UNC13C: variants seen among roughly 807,000 people sequenced by gnomAD.
The protein encoded by UNC13C is unc-13 homolog C.
A neutral mutation model predicts 245.4 loss-of-function variants in UNC13C; 174 were observed. The observed-to-expected ratio is 0.71, with a 90% CI of 0.63 to 0.80. UNC13C has a LOEUF of 0.80. Among genes scored for constraint, UNC13C ranks in the 30% least tolerant of loss-of-function variants. The pLI is 0.00. For synonymous variants in UNC13C, 992 were observed against 895.1 expected (o/e 1.11, Z -1.93); for missense variants, 2,829 against 2,602.9 (o/e 1.09, Z -1.89).
rs557814575 is a variant in UNC13C at position 54,006,890 on chromosome 15, C to T, written c.-256-5758C>T. 1.6e-4 allele frequency among the ~76,000 whole-genome samples: 25 copies of T among 152,274 alleles called. 1 individual carries two copies. The South Asian group carries it at 3.9e-3, about 24-fold the overall frequency. On this transcript the variant is annotated intron_variant, in intron 1 of 32. Transcript: ENST00000260323. ...CTTATAAAGTTACTTGGTCGGTGTG[C>T]TGCTCAATGCTGTTTTGCACAGGGG...
intron 19 of UNC13C, among the ~76,000 whole-genome samples, chr15:54,474,471 A>AT (rs34724594): frequency 0.44 from 66,431 of 151,212 alleles, 14,903 homozygotes; most frequent in East Asian, 0.71. Flanking sequence ...TTTGTATGTC[A>AT]TTTTTTTTGA....
the UNC13C span, among the ~76,000 whole-genome samples, chr15:53,916,859 A>G: frequency 6.6e-6 from 1 of 152,226 alleles, no homozygotes; most frequent in African/African-American, 2.4e-5. Flanking sequence ...TTTCTGATGC[A>G]CTGAAGCTGG....
intron 17 of UNC13C, among the ~76,000 whole-genome samples, chr15:54,374,821 A>C (rs1204032006): frequency 6.6e-6 from 1 of 152,228 alleles, no homozygotes; most frequent in Non-Finnish European, 1.5e-5. Flanking sequence ...CATCTTCACA[A>C]CAGCCTCTCC....
intron 19 of UNC13C, among the ~76,000 whole-genome samples, chr15:54,493,966 C>CT (rs1285980996): frequency 2.6e-5 from 4 of 152,080 alleles, no homozygotes; most frequent in African/African-American, 9.7e-5. Flanking sequence ...TGCAAGATAA[C>CT]TTTAGGTAAA....
chr15:54,446,295 C>T (rs920947015), intron 19 of UNC13C, among the ~76,000 whole-genome samples: 31 of 151,754 alleles, frequency 2.0e-4, no homozygotes, highest in African/African-American at 3.4e-4. Flanking sequence ...TGGTTCCATA[C>T]GAACTTTAAA....
chr15:54,451,390 C>T (rs1891167119), intron 19 of UNC13C, among the ~76,000 whole-genome samples: 1 of 151,724 alleles, frequency 6.6e-6, no homozygotes, highest in Non-Finnish European at 1.5e-5. Context: ...TTTTGTTCTC[C>T]TTCTGGGCCT....
At chr15:54,295,649 T>TA (rs11434084) in intron 11 of UNC13C, among the ~76,000 whole-genome samples, 42,257 of 141,144 alleles carry the variant, frequency 0.3, 6,074 homozygotes, top group African/African-American at 0.36. Flanking sequence ...TGAGACCTTG[T>TA]AAAAAAAAAA....
intron 26 of UNC13C, among the ~76,000 whole-genome samples, chr15:54,534,297 GA>G (rs1175427538): frequency 1.3e-5 from 2 of 152,134 alleles, no homozygotes; most frequent in Non-Finnish European, 2.9e-5. Context: ...TGCAATCCAG[GA>G]ATGCCAAGTT....
chr15:54,337,348 C>T (rs1314043895), intron 16 of UNC13C, among the ~76,000 whole-genome samples: 2 of 152,120 alleles, frequency 1.3e-5, no homozygotes, highest in Admixed American at 1.3e-4. Flanking sequence ...AGAACTTTTC[C>T]ACAACTGTAG....
chr15:54,561,688 A>G (rs1174887752), intron 29 of UNC13C, among the ~76,000 whole-genome samples: 1 of 151,974 alleles, frequency 6.6e-6, no homozygotes, highest in African/African-American at 2.4e-5. Context: ...CCCTCAGTAT[A>G]TTTCATAAAA....
At chr15:54,443,379 T>A (rs1890637703) in intron 19 of UNC13C, among the ~76,000 whole-genome samples, 1 of 152,108 alleles carries the variant, frequency 6.6e-6, no homozygotes, top group South Asian at 2.1e-4. Context: ...TGATCCTTTG[T>A]ATTTTTTAGT....
intron 30 of UNC13C, among the ~76,000 whole-genome samples, chr15:54,589,057 C>T (rs573344340): frequency 6.6e-6 from 1 of 152,110 alleles, no homozygotes; most frequent in African/African-American, 2.4e-5. Flanking sequence ...CAGGAATCTC[C>T]ACACTATTTT....
chr15:54,162,246 C>T (rs1482969947), intron 4 of UNC13C, among the ~76,000 whole-genome samples: 1 of 152,082 alleles, frequency 6.6e-6, no homozygotes, highest in Non-Finnish European at 1.5e-5. Flanking sequence ...GATATAATCC[C>T]CAGTAATTTG....
chr15:54,449,849 CT>C (rs1380054874), intron 19 of UNC13C, among the ~76,000 whole-genome samples: 1 of 152,180 alleles, frequency 6.6e-6, no homozygotes, highest in African/African-American at 2.4e-5. Flanking sequence ...GAGAGGCACT[CT>C]GATTTTTAGA....
chr15:54,341,928 G>T (rs1415121965), intron 17 of UNC13C, among the ~76,000 whole-genome samples: 1 of 150,282 alleles, frequency 6.7e-6, no homozygotes, highest in Non-Finnish European at 1.5e-5. Context: ...GTGAGCCGAG[G>T]TTGCACCACT....
At chr15:54,383,278 A>C (rs2039766334) in intron 17 of UNC13C, among the ~76,000 whole-genome samples, 1 of 152,190 alleles carries the variant, frequency 6.6e-6, no homozygotes, top group Non-Finnish European at 1.5e-5. Flanking sequence ...TATAGATGCA[A>C]AAATCCTTAT....
At chr15:54,365,074 A>G (rs923603677) in intron 17 of UNC13C, among the ~76,000 whole-genome samples, 3 of 151,734 alleles carry the variant, frequency 2.0e-5, no homozygotes, top group African/African-American at 7.3e-5. Flanking sequence ...TTTGCCATTT[A>G]GAGAGAGAAA....
intron 4 of UNC13C, among the ~76,000 whole-genome samples, chr15:54,178,978 G>A (rs745729215): frequency 8.5e-5 from 13 of 152,118 alleles, no homozygotes; most frequent in Non-Finnish European, 1.5e-4. Flanking sequence ...GACCTACAAA[G>A]GCTGACTGAA....
intron 4 of UNC13C, among the ~76,000 whole-genome samples, chr15:54,226,293 G>T (rs769435571): frequency 2.0e-5 from 3 of 152,156 alleles, no homozygotes; most frequent in Admixed American, 6.5e-5. Flanking sequence ...CTAGGTTCTG[G>T]TATCAGGATG....
Sources: gnomAD v4.1 joint callset for allele counts (sites outside exome capture counted in the v4.1 genomes callset) on GRCh38, gnomAD v4.1.1 for gene constraint, MANE v1.5 for transcripts, NCBI Gene and HGNC (gene_info 2026-07-23, HGNC 2026-07-21) for gene names.